The following PARG variants were observed in gnomAD, a reference collection of about 807,000 sequenced individuals.
PARG encodes mitochondrial poly(ADP-ribose) glycohydrolase.
Under a neutral mutation model 113.0 loss-of-function variants are expected in PARG, and 35 were observed. The ratio of observed to expected loss-of-function variants is 0.31; its 90% CI spans 0.24 to 0.41. The LOEUF (loss-of-function observed/expected upper bound fraction) is 0.41. Ranked by LOEUF, PARG falls within the 10% of genes least tolerant of loss-of-function variation. PARG has a pLI of 1.00. For synonymous variants in PARG, 330 were observed against 409.9 expected (o/e 0.81, Z 2.36); for missense variants, 797 against 1,169.4 (o/e 0.68, Z 4.64).
intron 7 of PARG, among the ~76,000 whole-genome samples, chr10:49,906,714 A>C (rs1234404064): frequency 6.6e-6 from 1 of 151,856 alleles, no homozygotes; most frequent in Non-Finnish European, 1.5e-5. Context: ...TACATAGAAA[A>C]CTCTCAGTAA....
intron 15 of PARG, among the ~76,000 whole-genome samples, chr10:49,834,322 A>G (rs1417251755): frequency 1.3e-5 from 2 of 152,210 alleles, no homozygotes; most frequent in African/African-American, 2.4e-5. Context: ...TAGAGAGAAG[A>G]AGGCTTCCTC....
chr10:49,936,225 T>C (rs1380687927), intron 1 of PARG, among the ~76,000 whole-genome samples: 1 of 151,990 alleles, frequency 6.6e-6, no homozygotes, highest in African/African-American at 2.4e-5. Flanking sequence ...GTAGTAAAAG[T>C]GAGGAGAGTC....
intron 6 of PARG, among the ~76,000 whole-genome samples, chr10:49,917,348 G>T (rs1341101051): frequency 1.3e-5 from 2 of 151,968 alleles, no homozygotes; most frequent in Non-Finnish European, 2.9e-5. Context: ...AATTAGCTGG[G>T]TGTGGTGGCA....
At chr10:49,843,755 T>C (rs1845360629) in intron 13 of PARG, 123 bp from the exon 14 acceptor site, 1 of 640,558 alleles carries the variant, frequency 1.6e-6, no homozygotes, top group Non-Finnish European at 2.8e-6. Context: ...GCCAGTGCAA[T>C]AAGGCAAGAA....
chr10:49,896,897 G>A (rs1486668081), intron 7 of PARG, among the ~76,000 whole-genome samples: 10 of 152,008 alleles, frequency 6.6e-5, no homozygotes, highest in African/African-American at 1.4e-4. Context: ...TAAATGTTTC[G>A]GAGAACTGAC....
chr10:49,844,277 TA>T, intron 13 of PARG, among the ~76,000 whole-genome samples: 2 of 152,030 alleles, frequency 1.3e-5, no homozygotes, highest in South Asian at 4.2e-4. Flanking sequence ...AAAAATCCAT[TA>T]CCCATAATGT....
intron 15 of PARG, among the ~76,000 whole-genome samples, chr10:49,837,864 C>T (rs1554831413): frequency 6.6e-6 from 1 of 152,190 alleles, no homozygotes; most frequent in African/African-American, 2.4e-5. Context: ...GGCTCTATTA[C>T]ACTCGAGGTA....
intron 12 of PARG, among the ~76,000 whole-genome samples, chr10:49,860,751 C>G (rs1431663075): frequency 2.7e-5 from 4 of 149,552 alleles, no homozygotes; most frequent in African/African-American, 9.8e-5. Context: ...AATATAAGCA[C>G]CAAATAAGAA....
intron 13 of PARG, among the ~76,000 whole-genome samples, chr10:49,845,007 C>T (rs952508554): frequency 7.9e-5 from 12 of 152,078 alleles, no homozygotes; most frequent in African/African-American, 2.9e-4. Flanking sequence ...TATTGCTCAA[C>T]ATTATTAGTC....
intron 7 of PARG, among the ~76,000 whole-genome samples, chr10:49,900,463 A>G (rs201205830): frequency 0.093 from 14,097 of 151,006 alleles, 1,068 homozygotes; most frequent in East Asian, 0.32. Flanking sequence ...ATATGCCTCT[A>G]ATCAAAAACA....
At chr10:49,851,807 G>A (rs1358601271) in intron 13 of PARG, among the ~76,000 whole-genome samples, 9 of 148,894 alleles carry the variant, frequency 6.0e-5, no homozygotes, top group Non-Finnish European at 1.0e-4. Flanking sequence ...AAGAAGAAAT[G>A]GGAAGATTGG....
At position 49,932,142 on chromosome 10, in the gene PARG, C is replaced by T; in HGVS notation, c.1413G>A (p.Leu471=). The change falls in exon 4 of 18, where the codon CTG becomes CTA. Residue 471 remains leucine (L), a synonymous_variant. Transcript: ENST00000616448. The stretch of plus-strand genomic sequence containing the variant: ...GATTGGCAGATGGTCTCAAGAGAGG[C>T]AGCCGGATCCCACACCGAGGCATTC... ...MRRMPRCGIR[L]PLLRPSANHT... 6.2e-7 allele frequency: 1 copy of T among 1,606,232 alleles called. No individual in the cohort carries two copies. The highest frequency in any genetic ancestry group is 8.5e-7 in the Non-Finnish European group (1 of 1,172,798).
In PARG at chr10:49,819,410, G is replaced by A. The variant is rs1352616069; in HGVS notation, c.2861C>T (p.Pro954Leu). 6.4e-7 allele frequency: 1 copy of A among 1,551,218 alleles called. No homozygotes were observed. Among genetic ancestry groups the A allele is most frequent in the Non-Finnish European group, 8.7e-7 (1 of 1,146,570 alleles). The change falls in exon 18 of 18, where the codon CCA (proline) becomes CTA (leucine). Residue 954 changes from proline (P) to leucine (L), a missense_variant. Around this residue, in one of 5 missense-constraint regions of PARG, gnomAD observed 194 missense variants for 247.1 expected, o/e 0.79. Coordinates refer to ENST00000616448, the MANE Select transcript of PARG (RefSeq NM_003631.5). The part of the protein sequence containing the change: ...STPGPDIKLY[P>L]FIYHAVESCA... ...GGACTCGACAGCATGGTATATGAAT[G>A]GATAAAGCTTGATGTCTGGTCCAGG...
intron 9 of PARG, among the ~76,000 whole-genome samples, chr10:49,878,697 G>A (rs1464761371): frequency 6.6e-6 from 1 of 151,922 alleles, no homozygotes; most frequent in African/African-American, 2.4e-5. Context: ...ACAAAAGTGG[G>A]TTTTGTTTGT....
intron 15 of PARG, among the ~76,000 whole-genome samples, chr10:49,839,762 T>C (rs1482822005): frequency 3.3e-5 from 5 of 152,258 alleles, no homozygotes; most frequent in Non-Finnish European, 7.3e-5. Context: ...TAGAAAAGTA[T>C]ATGTGGGAGT....
At chr10:49,920,517 T>TATGTATATACATGTATATATATACAC (rs1837781206) in intron 6 of PARG, among the ~76,000 whole-genome samples, 1 of 136,768 alleles carries the variant, frequency 7.3e-6, no homozygotes, top group Admixed American at 7.4e-5. Context: ...CACACATATA[T>TATGTATATACATGTATATATATACAC]ATGTATATAC....
intron 16 of PARG, among the ~76,000 whole-genome samples, chr10:49,821,046 G>C (rs1429585553): frequency 6.6e-6 from 1 of 152,058 alleles, no homozygotes; most frequent in African/African-American, 2.4e-5. Flanking sequence ...TTCTCAAAAT[G>C]GGCTGGGGAG....
At chr10:49,886,703 T>C (rs1847505327) in intron 7 of PARG, among the ~76,000 whole-genome samples, 1 of 152,022 alleles carries the variant, frequency 6.6e-6, no homozygotes. Context: ...TTGAAATGAG[T>C]ATGAAAACTA....
intron 15 of PARG, among the ~76,000 whole-genome samples, chr10:49,836,963 T>G (rs1554831218): frequency 6.6e-6 from 1 of 152,224 alleles, no homozygotes; most frequent in Non-Finnish European, 1.5e-5. Flanking sequence ...AGTGATTTGT[T>G]TCTTCTCTTG....
Sources: gnomAD v4.1 joint callset for allele counts (sites outside exome capture counted in the v4.1 genomes callset) on GRCh38, gnomAD v4.1.1 for gene constraint, gnomAD v4.1.1 regional missense constraint, MANE v1.5 for transcripts, NCBI Gene and HGNC (gene_info 2026-07-23, HGNC 2026-07-21) for gene names.